KIRREL3: variants seen among roughly 807,000 people sequenced by gnomAD.
KIRREL3 encodes the protein kin of IRRE-like protein 3.
KIRREL3 carries 36 observed loss-of-function variants against 89.7 expected under a neutral mutation model. That is an observed-to-expected ratio of 0.40 (90% CI 0.31 to 0.53). KIRREL3 has a LOEUF of 0.53. KIRREL3 is among the 20% of genes least tolerant of loss of function. The pLI is 0.49. For missense variants in KIRREL3, 864 were observed against 1,056.6 expected (o/e 0.82, Z 2.53); for synonymous variants, 445 against 441.4 (o/e 1.01, Z -0.10).
Position 126,492,665 on chromosome 11 carries a change from TG to T in KIRREL3, c.434-19200del. Among the ~76,000 whole-genome samples, 1 of 152,182 alleles carries T rather than the reference TG, an allele frequency of 6.6e-6. No homozygotes were observed. The highest frequency in any genetic ancestry group is 1.9e-4 in the East Asian group (1 of 5,158). On this transcript the variant is annotated intron_variant, in intron 4 of 16. Transcript: ENST00000525144. The surrounding 1 kb of genome is among the most constrained non-coding windows in gnomAD (Gnocchi z 4.8). Reference sequence around the variant, plus strand: ...GACTTCCTATCAAACTTTGATAAATTGACTCTGAAAGGGCCTTTTCTTCCAA... The same window carrying T: ...GACTTCCTATCAAACTTTGATAAATTACTCTGAAAGGGCCTTTTCTTCCAA...
At position 126,640,348 on chromosome 11, in the gene KIRREL3, G is replaced by A. The variant is rs545457471; in HGVS notation, c.56-77436C>T. Among the ~76,000 whole-genome samples, 7 of 152,180 alleles carry A rather than the reference G, an allele frequency of 4.6e-5. No homozygotes were observed. Among genetic ancestry groups the A allele is most frequent in the East Asian group, 1.9e-4 (1 of 5,150 alleles). On this transcript the variant is annotated intron_variant, in intron 1 of 16. Coordinates refer to ENST00000525144, the MANE Select transcript of KIRREL3 (RefSeq NM_032531.4). The surrounding 1 kb of genome is among the most constrained non-coding windows in gnomAD (Gnocchi z 4.9). Reference sequence around the variant, plus strand: ...AACTGAACACAACACACACACAGACGCGCGTGTGCGCGCGCACACACACGC... The same window carrying A: ...AACTGAACACAACACACACACAGACACGCGTGTGCGCGCGCACACACACGC...
chr11:126,850,052 G>T (rs1267841992), intron 1 of KIRREL3, among the ~76,000 whole-genome samples: 1 of 152,166 alleles, frequency 6.6e-6, no homozygotes, highest in Non-Finnish European at 1.5e-5. Context: ...TTCTTGTCAG[G>T]TATCAACAGT....
intron 4 of KIRREL3, among the ~76,000 whole-genome samples, chr11:126,481,812 C>T (rs548378830): frequency 3.9e-5 from 6 of 152,306 alleles, no homozygotes; most frequent in African/African-American, 1.4e-4. Context: ...TTCACCTATC[C>T]AGTCAACCAG....
intron 4 of KIRREL3, among the ~76,000 whole-genome samples, chr11:126,511,641 C>CG (rs1269085933): frequency 6.6e-6 from 1 of 152,202 alleles, no homozygotes; most frequent in Non-Finnish European, 1.5e-5. Flanking sequence ...TCCAGGACCT[C>CG]TCTTTCTCTC....
rs954100340 is a variant in KIRREL3 at position 126,997,336 on chromosome 11, G to T, written c.55+3119C>A. ...ATCCCTCTCTGAACAAAGCATGACC[G>T]TCCTGACAGCTGAGGGAAGAGGCAT... On this transcript the variant is annotated intron_variant, in intron 1 of 16. Coordinates refer to ENST00000525144, the MANE Select transcript of KIRREL3 (RefSeq NM_032531.4). This position sits in a 1 kb window ranked among gnomAD's most constrained non-coding sequence, Gnocchi z 4.3. Among the ~76,000 whole-genome samples the T allele has an allele frequency of 3.3e-5, 5 of 152,132 alleles. No individual in the cohort carries two copies. The highest frequency in any genetic ancestry group is 1.2e-4 in the African/African-American group (5 of 41,406).
intron 1 of KIRREL3, among the ~76,000 whole-genome samples, chr11:126,850,921 G>A (rs956136751): frequency 6.6e-6 from 1 of 152,156 alleles, no homozygotes; most frequent in Non-Finnish European, 1.5e-5. Flanking sequence ...ACAGTTACCG[G>A]ACAGGCCCAA....
rs11820063 is a variant in KIRREL3 at position 126,526,067 on chromosome 11, C to T, written c.283+471G>A. 6.3e-3 allele frequency among the ~76,000 whole-genome samples: 960 copies of T among 152,254 alleles called. 12 individuals carry two copies. Among genetic ancestry groups the T allele is most frequent in the African/African-American group, 0.022 (915 of 41,544 alleles). ...CTTTTCTTCCCATCTCATGATGGCTCCTAAGATCAACTAGGTGTCTTTGTG... is the reference window on the plus strand; with the variant it reads ...CTTTTCTTCCCATCTCATGATGGCTTCTAAGATCAACTAGGTGTCTTTGTG... On this transcript the variant is annotated intron_variant, in intron 3 of 16. Transcript: ENST00000525144. This position sits in a 1 kb window ranked among gnomAD's most constrained non-coding sequence, Gnocchi z 5.7.
At position 126,983,720 on chromosome 11, in the gene KIRREL3, T is replaced by C. The variant is rs114722082; in HGVS notation, c.55+16735A>G. Among the ~76,000 whole-genome samples, 971 of 152,296 alleles carry C rather than the reference T, an allele frequency of 6.4e-3. 5 individuals are homozygous for C. Among genetic ancestry groups the C allele is most frequent in the African/African-American group, 0.022 (906 of 41,562 alleles). ...AAGAAACAGCCCTGCAGCACCTGGA[T>C]GCCAGCCCGTGAGATCCATTCTAGA... On this transcript the variant is annotated intron_variant, in intron 1 of 16. Coordinates refer to ENST00000525144, the MANE Select transcript of KIRREL3 (RefSeq NM_032531.4). The surrounding 1 kb of genome is among the most constrained non-coding windows in gnomAD (Gnocchi z 4.9).
chr11:126,727,887 G>A (rs1363145389), intron 1 of KIRREL3, among the ~76,000 whole-genome samples: 1 of 152,070 alleles, frequency 6.6e-6, no homozygotes, highest in Non-Finnish European at 1.5e-5. Context: ...GCAGTGGGAT[G>A]CGGATCAGAA....
intron 2 of KIRREL3, chr11:126,549,300 A>C (rs565007940): frequency 4.6e-5 from 7 of 152,342 alleles, no homozygotes; most frequent in Admixed American, 3.9e-4. Flanking sequence ...AGAAACGAAT[A>C]CATTTCAGAA....
Position 126,615,931 on chromosome 11 carries a change from A to G in KIRREL3, c.56-53019T>C. 6.6e-6 allele frequency among the ~76,000 whole-genome samples: 1 copy of G among 152,174 alleles called. No homozygotes were observed. The highest frequency in any genetic ancestry group is 1.9e-4 in the East Asian group (1 of 5,184). ...TTCTTTGTATGCCCCCGGGGACAGG[A>G]CAGGATGGAGGGAGGAGCCCTGGGT... On this transcript the variant is annotated intron_variant, in intron 1 of 16. Transcript: ENST00000525144. This position sits in a 1 kb window ranked among gnomAD's most constrained non-coding sequence, Gnocchi z 5.4.
intron 5 of KIRREL3, among the ~76,000 whole-genome samples, chr11:126,467,176 G>A (rs567085002): frequency 2.0e-5 from 3 of 152,340 alleles, no homozygotes; most frequent in South Asian, 2.1e-4. Flanking sequence ...ACTGACTGCC[G>A]TGACTCTGCG....
chr11:126,941,100 T>C (rs1202216011), intron 1 of KIRREL3, among the ~76,000 whole-genome samples: 3 of 152,176 alleles, frequency 2.0e-5, no homozygotes, highest in Non-Finnish European at 4.4e-5. Flanking sequence ...GTTATTTCAA[T>C]TGAGCATTCT....
rs535125821 is a variant in KIRREL3, at chr11:126,975,937, TC to T, written c.55+24517del. 8.0e-5 allele frequency among the ~76,000 whole-genome samples: 5 copies of T among 62,228 alleles called. 1 individual carries two copies. The highest frequency in any genetic ancestry group is 2.6e-4 in the Admixed American group (1 of 3,786). The allele number at this position is 62,228 out of a possible 152,430, so 40.8% of individuals were successfully genotyped here. Reference sequence around the variant, plus strand: ...CTCCCTTCCTCCCTCCCTCCCTCCCTCCCTTCCTTCCTTCCCTCCGTCCCCA... The same window carrying T: ...CTCCCTTCCTCCCTCCCTCCCTCCCTCCTTCCTTCCTTCCCTCCGTCCCCA... On this transcript the variant is annotated intron_variant, in intron 1 of 16. Coordinates refer to ENST00000525144, the MANE Select transcript of KIRREL3 (RefSeq NM_032531.4).
chr11:126,611,707 T>C lies in KIRREL3; in HGVS notation c.56-48795A>G, dbSNP rs553310059. ...CACGTTGGGTTCACTGATCGCAGAGTCTTTTTCTGGCTGCCAAGAACATGG... is the reference window on the plus strand; with the variant it reads ...CACGTTGGGTTCACTGATCGCAGAGCCTTTTTCTGGCTGCCAAGAACATGG... On this transcript the variant is annotated intron_variant, in intron 1 of 16. Coordinates refer to ENST00000525144, the MANE Select transcript of KIRREL3 (RefSeq NM_032531.4). This position sits in a 1 kb window ranked among gnomAD's most constrained non-coding sequence, Gnocchi z 4.7. Among the ~76,000 whole-genome samples, 21 of 152,030 alleles carry C rather than the reference T, an allele frequency of 1.4e-4. No homozygotes were observed. In the South Asian group the frequency reaches 4.2e-3, roughly 30 times the overall value.
At chr11:126,675,977 A>C (rs762522902) in intron 1 of KIRREL3, among the ~76,000 whole-genome samples, 1 of 152,172 alleles carries the variant, frequency 6.6e-6, no homozygotes, top group Non-Finnish European at 1.5e-5. Context: ...TGATGACTCC[A>C]TGCTTTTGGT....
intron 1 of KIRREL3, among the ~76,000 whole-genome samples, chr11:126,712,805 C>T (rs1947814799): frequency 6.6e-6 from 1 of 152,166 alleles, no homozygotes; most frequent in Non-Finnish European, 1.5e-5. Context: ...GTTCCTCCTA[C>T]AAAATGAAAA....
intron 1 of KIRREL3, among the ~76,000 whole-genome samples, chr11:126,582,121 G>A (rs1941580938): frequency 6.6e-6 from 1 of 152,186 alleles, no homozygotes; most frequent in African/African-American, 2.4e-5. Context: ...TTTTGCCTGT[G>A]TGATTCCTCT....
rs889205775 is a variant in KIRREL3 at position 126,853,348 on chromosome 11, G to T, written c.55+147107C>A. Among the ~76,000 whole-genome samples, 45 of 152,162 alleles carry T rather than the reference G, an allele frequency of 3.0e-4. 1 individual carries two copies. Among genetic ancestry groups the T allele is most frequent in the Non-Finnish European group, 8.8e-5 (6 of 68,016 alleles). On this transcript the variant is annotated intron_variant, in intron 1 of 16. Coordinates refer to ENST00000525144, the MANE Select transcript of KIRREL3 (RefSeq NM_032531.4). ...TTTTATCGATTCTATGAACTGCCAT[G>T]GAGTTATCTTGTGGCCATAATTTGA...
Sources: allele counts gnomAD v4.1 joint callset (sites outside exome capture counted in the v4.1 genomes callset), GRCh38; gene constraint gnomAD v4.1.1; non-coding constraint Gnocchi (gnomAD v3.1); transcripts MANE v1.5; gene names NCBI Gene and HGNC (gene_info 2026-07-23, HGNC 2026-07-21).